ELL2: variants seen among roughly 807,000 people sequenced by gnomAD.
ELL2 encodes the protein RNA polymerase II elongation factor ELL2.
ELL2 carries 21 observed loss-of-function variants against 72.8 expected under a neutral mutation model. The ratio of observed to expected loss-of-function variants is 0.29; its 90% CI spans 0.20 to 0.42. The LOEUF is 0.42. Ranked by LOEUF, ELL2 falls within the 10% of genes least tolerant of loss-of-function variation. The probability of loss-of-function intolerance (pLI) is 1.00; values close to 1 mark genes in which losing one functional copy is unlikely to be tolerated. For missense variants in ELL2, 568 were observed against 772.8 expected (o/e 0.73, Z 3.14); for synonymous variants, 266 against 283.2 (o/e 0.94, Z 0.61).
intron 1 of ELL2, among the ~76,000 whole-genome samples, chr5:95,948,455 C>CAAAAAAAAAAA (rs1751259046): frequency 1.1e-5 from 1 of 93,742 alleles, no homozygotes; most frequent in Non-Finnish European, 2.0e-5. Context: ...AAAAAAAAAG[C>CAAAAAAAAAAA]CACAGGAAGA....
intron 10 of ELL2, among the ~76,000 whole-genome samples, chr5:95,889,737 A>C (rs1216260037): frequency 6.6e-6 from 1 of 152,236 alleles, no homozygotes; most frequent in Non-Finnish European, 1.5e-5. Flanking sequence ...CTTAGATTCA[A>C]TTAAATACGG....
At chr5:95,909,663 A>G (rs1403472491) in intron 4 of ELL2, among the ~76,000 whole-genome samples, 1 of 152,230 alleles carries the variant, frequency 6.6e-6, no homozygotes, top group Non-Finnish European at 1.5e-5. Context: ...CTCTTCCCAG[A>G]CCCAAATGCT....
chr5:95,937,820 T>C (rs1000247220), intron 2 of ELL2, among the ~76,000 whole-genome samples: 1 of 152,192 alleles, frequency 6.6e-6, no homozygotes, highest in Non-Finnish European at 1.5e-5. Flanking sequence ...AACACAACCC[T>C]TGGCAAAACC....
At chr5:95,959,232 C>CAGTT (rs1751723905) in intron 1 of ELL2, among the ~76,000 whole-genome samples, 3 of 152,280 alleles carry the variant, frequency 2.0e-5, no homozygotes, top group Admixed American at 2.0e-4. Context: ...ATCAACTGTA[C>CAGTT]AGTTGCCTGT....
intron 3 of ELL2, among the ~76,000 whole-genome samples, 157 bp downstream of exon 3, chr5:95,919,263 TACAC>T (rs918788264): frequency 6.6e-6 from 1 of 152,242 alleles, no homozygotes; most frequent in African/African-American, 2.4e-5. Context: ...AAATTTCTAT[TACAC>T]AGTAGGTGCT....
chr5:95,888,547 T>A lies in ELL2; in HGVS notation c.*324A>T. 1 of 177,468 alleles carries A rather than the reference T, an allele frequency of 5.6e-6. No homozygotes were observed. The highest frequency in any genetic ancestry group is 1.2e-5 in the Non-Finnish European group (1 of 85,950). The allele number at this position is 177,468 out of a possible 1,614,324, so 11.0% of individuals were successfully genotyped here. A position where few individuals can be genotyped will look rare whatever the true frequency, so the allele number is the denominator to read the frequency against. Reference sequence around the variant, plus strand: ...GTGTGGACACTGGATCCCCAATATCTAAAAAATCATTTCTAATAACAAACA... The same window carrying A: ...GTGTGGACACTGGATCCCCAATATCAAAAAAATCATTTCTAATAACAAACA... On this transcript the variant is annotated 3_prime_UTR_variant, in exon 12 of 12. Transcript: ENST00000237853.
intron 1 of ELL2, among the ~76,000 whole-genome samples, chr5:95,956,091 T>C (rs1751617526): frequency 6.6e-6 from 1 of 152,212 alleles, no homozygotes; most frequent in African/African-American, 2.4e-5. Context: ...GGTAAGCTTT[T>C]CTGTAAGTCA....
chr5:95,928,922 C>A (rs1750491437), intron 2 of ELL2, among the ~76,000 whole-genome samples: 1 of 152,152 alleles, frequency 6.6e-6, no homozygotes, highest in Non-Finnish European at 1.5e-5. Context: ...TGCTACTAAA[C>A]CAGTTTAACT....
In ELL2 at chr5:95,906,503, C is replaced by T. The variant is rs751499616; in HGVS notation, c.741+20G>A. On this transcript the variant is annotated intron_variant, in intron 5 of 11. Transcript: ENST00000237853. ...TAACAAGAAGGTAAGCAGGAAGGAC[C>T]TCTCTCCAGCTGTCCTCACCTGTTG... is the stretch of plus-strand genomic sequence containing the variant. 30 of 1,566,558 alleles carry T rather than the reference C, an allele frequency of 1.9e-5. No individual in the cohort carries two copies. Among genetic ancestry groups the T allele is most frequent in the African/African-American group, 1.4e-5 (1 of 73,126 alleles).
rs200731361 is a variant in ELL2, at chr5:95,893,181, T to G, written c.1590-1907A>C. Among the ~76,000 whole-genome samples, 64 of 152,212 alleles carry G rather than the reference T, an allele frequency of 4.2e-4. No individual in the cohort carries two copies. In the East Asian group the frequency reaches 0.012, roughly 28 times the overall value. Reference sequence around the variant, plus strand: ...ACTGTGTTGCTATTATAGAAGAGATTATTTGGTTACACTGGCATTTTTAAG... The same window carrying G: ...ACTGTGTTGCTATTATAGAAGAGATGATTTGGTTACACTGGCATTTTTAAG... On this transcript the variant is annotated intron_variant, in intron 9 of 11. Transcript: ENST00000237853.
intron 1 of ELL2, among the ~76,000 whole-genome samples, chr5:95,951,400 TAAATAAATCAA>T (rs1048491595): frequency 6.9e-6 from 1 of 145,548 alleles, no homozygotes; most frequent in African/African-American, 2.5e-5. Flanking sequence ...AATAAATAAA[TAAATAAATCAA>T]CAACACTTGA....
chr5:95,938,176 C>T (rs1356412250), intron 2 of ELL2, among the ~76,000 whole-genome samples: 11 of 152,180 alleles, frequency 7.2e-5, no homozygotes, highest in Admixed American at 7.2e-4. Flanking sequence ...ATCCAACCCT[C>T]TGTTTAATGA....
chr5:95,902,207 A>G (rs945041235), intron 5 of ELL2, among the ~76,000 whole-genome samples: 3 of 152,248 alleles, frequency 2.0e-5, no homozygotes, highest in African/African-American at 7.2e-5. Flanking sequence ...CACTGTCTTC[A>G]TAAATAGTAT....
chr5:95,948,333 G>A (rs1182531039), intron 1 of ELL2, among the ~76,000 whole-genome samples: 2 of 150,232 alleles, frequency 1.3e-5, no homozygotes, highest in African/African-American at 4.9e-5. Flanking sequence ...GGGAGGCTGA[G>A]GCAGGAGAAT....
intron 8 of ELL2, among the ~76,000 whole-genome samples, chr5:95,897,643 C>G (rs942015016): frequency 2.8e-4 from 43 of 152,274 alleles, no homozygotes; most frequent in African/African-American, 1.0e-3. Flanking sequence ...ACAGGACTCT[C>G]AAAATTGGGG....
At chr5:95,926,983 T>C (rs1227660402) in intron 2 of ELL2, among the ~76,000 whole-genome samples, 1 of 152,196 alleles carries the variant, frequency 6.6e-6, no homozygotes, top group African/African-American at 2.4e-5. Context: ...TCTATTAATA[T>C]GAAATTAGCC....
At chr5:95,920,842 G>A (rs1750043674) in intron 2 of ELL2, among the ~76,000 whole-genome samples, 1 of 152,192 alleles carries the variant, frequency 6.6e-6, no homozygotes, top group Non-Finnish European at 1.5e-5. Flanking sequence ...TAATTTAGCA[G>A]ACAAGTAGGG....
intron 2 of ELL2, among the ~76,000 whole-genome samples, chr5:95,940,164 T>C (rs1750919530): frequency 6.6e-6 from 1 of 152,206 alleles, no homozygotes; most frequent in Non-Finnish European, 1.5e-5. Flanking sequence ...TGAGCACCTT[T>C]TTCCATTAAG....
At chr5:95,937,409 T>C (rs1169558518) in intron 2 of ELL2, among the ~76,000 whole-genome samples, 2 of 152,098 alleles carry the variant, frequency 1.3e-5, no homozygotes, top group African/African-American at 4.8e-5. Flanking sequence ...AAATATGCAG[T>C]TTCCAGAGTT....
Sources: gnomAD v4.1 joint callset for allele counts (sites outside exome capture counted in the v4.1 genomes callset) on GRCh38, gnomAD v4.1.1 for gene constraint, MANE v1.5 for transcripts, NCBI Gene and HGNC (gene_info 2026-07-23, HGNC 2026-07-21) for gene names.